Variants in RPL15 observed in about 807,000 individuals in gnomAD.
RPL15 encodes large ribosomal subunit protein eL15.
For missense variants in RPL15, 161 were observed against 271.8 expected, an observed-to-expected ratio of 0.59 and a Z score of 2.87; for synonymous variants, 97 against 95.1, an observed-to-expected ratio of 1.02 and a Z score of -0.12.
chr3:23,921,328 G>A (rs953970781), downstream of RPL15, among the ~76,000 whole-genome samples: 3 of 152,132 alleles, frequency 2.0e-5, no homozygotes, highest in Admixed American at 6.5e-5. Flanking sequence ...CCTCATGATA[G>A]CTTTCATGAT....
chr3:23,918,057 T>C, intron 2 of RPL15, 26 bp downstream of exon 2: 1 of 1,589,326 alleles, frequency 6.3e-7, no homozygotes, highest in Non-Finnish European at 8.6e-7. Context: ...CGTGGATGCT[T>C]GGATAAAATT....
chr3:23,918,769 G>A (rs1704872018), intron 3 of RPL15, 193 bp downstream of exon 3: 1 of 671,070 alleles, frequency 1.5e-6, no homozygotes, highest in South Asian at 2.1e-5. Flanking sequence ...TGTATATACT[G>A]GAAGTACTTG....
Position 23,917,951 on chromosome 3 carries a change from G to A in RPL15, c.92G>A (p.Arg31His). Residue 31 changes from arginine (R) to histidine (H), a missense_variant, in exon 2 of 4, where the codon CGC becomes CAC. By Grantham distance (29) the Arg-to-His change is conservative. Coordinates refer to ENST00000307839, the MANE Select transcript of RPL15 (RefSeq NM_002948.5). ...CTGAGGGTCCGCTGCTGGCAGTACC[G>A]CCAGCTCTCTGCTCTCCACAGGGCT... is the stretch of plus-strand genomic sequence containing the variant. ...FLLRVRCWQY[R>H]QLSALHRAPR... 1 of 1,613,772 alleles carries A rather than the reference G, an allele frequency of 6.2e-7. No individual in the cohort carries two copies. The highest frequency in any genetic ancestry group is 8.5e-7 in the Non-Finnish European group (1 of 1,179,792).
At chr3:23,922,163 T>A (rs555161640), downstream of RPL15, 1 of 153,082 alleles carries the variant, frequency 6.5e-6, no homozygotes, top group South Asian at 2.1e-4. This position sits in a 1 kb window ranked among gnomAD's most constrained non-coding sequence, Gnocchi z 4.2. Flanking sequence ...ACAAATCAGC[T>A]GGGCATGGTG....
At chr3:23,918,233 C>G in intron 2 of RPL15, 12 of 906,358 alleles carry the variant, frequency 1.3e-5, no homozygotes, top group Non-Finnish European at 1.8e-5. Flanking sequence ...TGAATGAGTT[C>G]AGACTAAAGC....
intron 2 of RPL15, 23 bp downstream of exon 2, chr3:23,918,054 G>C (rs369302129): frequency 1.3e-6 from 2 of 1,594,206 alleles, no homozygotes; most frequent in African/African-American, 2.7e-5. Context: ...CTGCGTGGAT[G>C]CTTGGATAAA....
rs969860175 is a variant in RPL15, at chr3:23,920,458, A to G, written c.*957A>G. 10 of 985,286 alleles carry G rather than the reference A, an allele frequency of 1.0e-5. No individual in the cohort carries two copies. In the African/African-American group the frequency reaches 1.6e-4, roughly 16 times the overall value. The allele number at this position is 985,286 out of a possible 1,614,324, so 61.0% of individuals were successfully genotyped here. On this transcript the variant is annotated 3_prime_UTR_variant, in exon 4 of 4. Transcript: ENST00000307839. Reference sequence around the variant, plus strand: ...ACCCTAAAAATCCTTACCATTCCACAAAGTTGGACCATCACTTGTGCACCC... The same window carrying G: ...ACCCTAAAAATCCTTACCATTCCACGAAGTTGGACCATCACTTGTGCACCC...
chr3:23,920,820 GAATA>G lies in RPL15; in HGVS notation c.*1323_*1326del, dbSNP rs1439693149. 8.9e-5 allele frequency: 83 copies of G among 934,164 alleles called. No individual in the cohort carries two copies. The highest frequency in any genetic ancestry group is 1.0e-4 in the Non-Finnish European group (81 of 783,440). The allele number at this position is 934,164 out of a possible 1,614,324, so 57.9% of individuals were successfully genotyped here. A position where few individuals can be genotyped will look rare whatever the true frequency, so the allele number is the denominator to read the frequency against. On this transcript the variant is annotated 3_prime_UTR_variant, in exon 4 of 4. Coordinates refer to ENST00000307839, the MANE Select transcript of RPL15 (RefSeq NM_002948.5). ...TTGTGTAGAGGTTGTTCAACTGAAG[GAATA>G]AATGTCTATTAAACTAAAACAAATG...
At chr3:23,922,805 T>C (rs1474779390), downstream of RPL15, 1 of 152,202 alleles carries the variant, frequency 6.6e-6, no homozygotes, top group African/African-American at 2.4e-5. This position sits in a 1 kb window ranked among gnomAD's most constrained non-coding sequence, Gnocchi z 4.2. Flanking sequence ...GTGATCAGTT[T>C]AACAATATTT....
chr3:23,917,869 T>G lies in RPL15; in HGVS notation c.10T>G (p.Tyr4Asp). The G allele has an allele frequency of 6.2e-7, 1 of 1,609,194 alleles. No individual in the cohort carries two copies. The highest frequency in any genetic ancestry group is 8.5e-7 in the Non-Finnish European group (1 of 1,178,602). ...TCACAGGTAAGCCAAGATGGGTGCA[T>G]ACAAGTACATCCAGGAGCTATGGAG... MGA[Y>D]KYIQELWRKK... is the part of the protein sequence containing the mutation. The change falls in exon 2 of 4, where the codon TAC (tyrosine) becomes GAC (aspartate). Residue 4 changes from tyrosine (Y) to aspartate (D), a missense_variant. Physicochemically the swap from Tyr to Asp is radical, Grantham distance 160. Coordinates refer to ENST00000307839, the MANE Select transcript of RPL15 (RefSeq NM_002948.5).
chr3:23,920,449 C>T lies in RPL15; in HGVS notation c.*948C>T, dbSNP rs1657358829. The T allele has an allele frequency of 6.1e-6, 6 of 985,214 alleles. No homozygotes were observed. Among genetic ancestry groups the T allele is most frequent in the Admixed American group, 6.1e-5 (1 of 16,266 alleles). The allele number at this position is 985,214 out of a possible 1,614,324, so 61.0% of individuals were successfully genotyped here. On this transcript the variant is annotated 3_prime_UTR_variant, in exon 4 of 4. Coordinates refer to ENST00000307839, the MANE Select transcript of RPL15 (RefSeq NM_002948.5). ...GGCCAAACAACCCTAAAAATCCTTACCATTCCACAAAGTTGGACCATCACT... is the reference window on the plus strand; with the variant it reads ...GGCCAAACAACCCTAAAAATCCTTATCATTCCACAAAGTTGGACCATCACT...
At chr3:23,918,374 A>G in intron 2 of RPL15, 66 bp from the exon 3 acceptor site, 1 of 1,539,442 alleles carries the variant, frequency 6.5e-7, no homozygotes, top group Non-Finnish European at 8.8e-7. Flanking sequence ...ATTAGTGACA[A>G]GCCATTGAGT....
chr3:23,919,145 C>T (rs1458411157), intron 3 of RPL15, 51 bp from the exon 4 acceptor site: 1 of 1,262,810 alleles, frequency 7.9e-7, no homozygotes, highest in African/African-American at 1.5e-5. Context: ...TTCTGACTTG[C>T]TGCTATAGGC....
At position 23,920,742 on chromosome 3, in the gene RPL15, G is replaced by T. The variant is rs1020822083; in HGVS notation, c.*1241G>T. The T allele has an allele frequency of 5.4e-5, 53 of 978,630 alleles. No individual in the cohort carries two copies. Among genetic ancestry groups the T allele is most frequent in the Admixed American group, 1.2e-4 (2 of 16,266 alleles). 60.6% of individuals were successfully genotyped at this position (978,630 alleles called of 1,614,324 possible). A position where few individuals can be genotyped will look rare whatever the true frequency, so the allele number is the denominator to read the frequency against. On this transcript the variant is annotated 3_prime_UTR_variant, in exon 4 of 4. Transcript: ENST00000307839. The stretch of plus-strand genomic sequence containing the variant: ...TCATAGCAAGTTCATAAAAGTTCTT[G>T]AGACCTAAATTTCTTCACAAAAAAA...
chr3:23,917,873 A>G lies in RPL15; in HGVS notation c.14A>G (p.Lys5Arg). The stretch of plus-strand genomic sequence containing the variant: ...AGGTAAGCCAAGATGGGTGCATACA[A>G]GTACATCCAGGAGCTATGGAGAAAG... MGAY[K>R]YIQELWRKKQ... Residue 5 changes from lysine (K) to arginine (R), a missense_variant, in exon 2 of 4, where the codon AAG becomes AGG. Lys to Arg is a conservative substitution (Grantham distance 26). Transcript: ENST00000307839. The G allele has an allele frequency of 1.2e-6, 2 of 1,608,840 alleles. No homozygotes were observed. The highest frequency in any genetic ancestry group is 1.7e-6 in the Non-Finnish European group (2 of 1,178,560).
At chr3:23,918,768 T>C (rs1704871698) in intron 3 of RPL15, 192 bp downstream of exon 3, 3 of 672,262 alleles carry the variant, frequency 4.5e-6, no homozygotes, top group South Asian at 2.1e-5. Context: ...GTGTATATAC[T>C]GGAAGTACTT....
rs537698656 is a variant in RPL15, at chr3:23,920,287, A to G, written c.*786A>G. 3.0e-6 allele frequency: 3 copies of G among 985,706 alleles called. No individual in the cohort carries two copies. Among genetic ancestry groups the G allele is most frequent in the Admixed American group, 6.1e-5 (1 of 16,266 alleles). 61.1% of individuals were successfully genotyped at this position (985,706 alleles called of 1,614,324 possible). A position where few individuals can be genotyped will look rare whatever the true frequency, so the allele number is the denominator to read the frequency against. On this transcript the variant is annotated 3_prime_UTR_variant, in exon 4 of 4. Transcript: ENST00000307839. ...ATTAGGGGGAAAGTAGTTGGCTATA[A>G]GTACGTCATTCTTAGTCCAGTCAGT...
In RPL15 at chr3:23,919,823, A is replaced by G. The variant is rs1247394777; in HGVS notation, c.*322A>G. Reference sequence around the variant, plus strand: ...CTAGCCCTGTAGATTTGTCTGGTGCATGTGATGAAACCTGCAGCTTTATCG... The same window carrying G: ...CTAGCCCTGTAGATTTGTCTGGTGCGTGTGATGAAACCTGCAGCTTTATCG... On this transcript the variant is annotated 3_prime_UTR_variant, in exon 4 of 4. Transcript: ENST00000307839. 2.9e-6 allele frequency: 3 copies of G among 1,042,896 alleles called. No individual in the cohort carries two copies. Among genetic ancestry groups the G allele is most frequent in the Admixed American group, 5.2e-5 (1 of 19,328 alleles). The allele number at this position is 1,042,896 out of a possible 1,614,324, so 64.6% of individuals were successfully genotyped here. A position where few individuals can be genotyped will look rare whatever the true frequency, so the allele number is the denominator to read the frequency against.
chr3:23,918,301 G>C (rs576136214), intron 2 of RPL15, 139 bp from the exon 3 acceptor site: 3 of 1,052,454 alleles, frequency 2.9e-6, no homozygotes, highest in South Asian at 3.4e-5. Flanking sequence ...AAAAGACTGG[G>C]ATGTGTTTTA....
Sources: allele counts gnomAD v4.1 joint callset (sites outside exome capture counted in the v4.1 genomes callset), GRCh38; gene constraint gnomAD v4.1.1; non-coding constraint Gnocchi (gnomAD v3.1); transcripts MANE v1.5; gene names NCBI Gene and HGNC (gene_info 2026-07-23, HGNC 2026-07-21).